AFG2A: variants seen among roughly 807,000 people sequenced by gnomAD.
AFG2A encodes the protein ATPase family gene 2 protein homolog A.
chr4:123,123,566 A>C, the AFG2A span, among the ~76,000 whole-genome samples: 2 of 152,188 alleles, frequency 1.3e-5, no homozygotes, highest in African/African-American at 4.8e-5. Flanking sequence ...ACTCTGCAAT[A>C]AAAGTATCAT....
chr4:122,999,124 C>T, the AFG2A span, among the ~76,000 whole-genome samples: 1,053 of 120,972 alleles, frequency 8.7e-3, 5 homozygotes, highest in Middle Eastern at 0.05. Context: ...TGAGAAGTGT[C>T]TGTTCATATC....
the AFG2A span, among the ~76,000 whole-genome samples, chr4:123,137,638 G>A: frequency 1.3e-5 from 2 of 152,042 alleles, no homozygotes; most frequent in Admixed American, 1.3e-4. Context: ...CTTGTTTGCT[G>A]TACAGTCTTA....
the AFG2A span, among the ~76,000 whole-genome samples, chr4:123,024,639 C>A: frequency 6.6e-6 from 1 of 152,210 alleles, no homozygotes; most frequent in Admixed American, 6.5e-5. Flanking sequence ...CAACTGCAGA[C>A]AAACTGGCTA....
At chr4:123,212,109 G>A in the AFG2A span, among the ~76,000 whole-genome samples, 1 of 152,068 alleles carries the variant, frequency 6.6e-6, no homozygotes, top group South Asian at 2.1e-4. Flanking sequence ...AGATCAGGAA[G>A]GACACCTTTT....
At chr4:123,286,859 T>TA in the AFG2A span, among the ~76,000 whole-genome samples, 159 of 144,936 alleles carry the variant, frequency 1.1e-3, no homozygotes, top group South Asian at 4.4e-3. Flanking sequence ...GAAAGGCCTT[T>TA]AAAAAAAAAA....
the AFG2A span, chr4:122,938,283 G>T: frequency 2.0e-6 from 3 of 1,486,078 alleles, no homozygotes; most frequent in East Asian, 7.3e-5. Context: ...TCTGTGTAGG[G>T]TTAATTCTTA....
At chr4:123,133,711 A>T in the AFG2A span, among the ~76,000 whole-genome samples, 1 of 152,054 alleles carries the variant, frequency 6.6e-6, no homozygotes, top group East Asian at 1.9e-4. Context: ...ATATCACTTT[A>T]TATTGTTTTC....
chr4:123,076,552 T>C, the AFG2A span, among the ~76,000 whole-genome samples: 2 of 151,840 alleles, frequency 1.3e-5, no homozygotes, highest in Non-Finnish European at 2.9e-5. Flanking sequence ...TTTATTTTTA[T>C]TTTTATTTGT....
the AFG2A span, among the ~76,000 whole-genome samples, chr4:123,281,959 GCA>G: frequency 6.6e-6 from 1 of 152,162 alleles, no homozygotes; most frequent in Admixed American, 6.5e-5. Flanking sequence ...AATAGGCAGA[GCA>G]CAGAGGATTT....
At chr4:123,191,498 C>T in the AFG2A span, among the ~76,000 whole-genome samples, 689 of 152,156 alleles carry the variant, frequency 4.5e-3, 1 homozygote, top group Non-Finnish European at 7.2e-3. Flanking sequence ...ATAGCCACAT[C>T]TAATAAAAGG....
chr4:123,294,861 ATATAAG>A, the AFG2A span, among the ~76,000 whole-genome samples: 1 of 152,242 alleles, frequency 6.6e-6, no homozygotes, highest in Non-Finnish European at 1.5e-5. Flanking sequence ...TGTCTATGGC[ATATAAG>A]TATATGATCT....
chr4:123,046,532 A>G, the AFG2A span, among the ~76,000 whole-genome samples: 1 of 152,314 alleles, frequency 6.6e-6, no homozygotes, highest in South Asian at 2.1e-4. Flanking sequence ...ATAGTTGTAC[A>G]TATTTTGCAG....
At chr4:123,183,796 G>T in the AFG2A span, among the ~76,000 whole-genome samples, 1 of 152,148 alleles carries the variant, frequency 6.6e-6, no homozygotes, top group Non-Finnish European at 1.5e-5. Flanking sequence ...GTCTGGCTCT[G>T]TCACACAGGC....
chr4:123,071,667 TAG>T, the AFG2A span, among the ~76,000 whole-genome samples: 5 of 152,216 alleles, frequency 3.3e-5, no homozygotes, highest in African/African-American at 4.8e-5. Flanking sequence ...TGCAGTTACA[TAG>T]AGCACATGCA....
chr4:123,284,875 T>G, the AFG2A span, among the ~76,000 whole-genome samples: 1 of 152,198 alleles, frequency 6.6e-6, no homozygotes, highest in Non-Finnish European at 1.5e-5. Flanking sequence ...AATGCCAAAA[T>G]AGTTTGAGAT....
At chr4:123,087,415 G>A in the AFG2A span, among the ~76,000 whole-genome samples, 1 of 152,162 alleles carries the variant, frequency 6.6e-6, no homozygotes, top group Non-Finnish European at 1.5e-5. Flanking sequence ...GGGTCAGTTG[G>A]TGTCTAATAA....
At chr4:122,991,501 A>G in the AFG2A span, among the ~76,000 whole-genome samples, 1 of 152,200 alleles carries the variant, frequency 6.6e-6, no homozygotes. Flanking sequence ...GTTTGTCCAC[A>G]CCCAGTTAAC....
chr4:123,130,813 C>T, the AFG2A span, among the ~76,000 whole-genome samples: 1 of 152,062 alleles, frequency 6.6e-6, no homozygotes, highest in Non-Finnish European at 1.5e-5. Flanking sequence ...TAACTGTATG[C>T]TTAATTTTAT....
At chr4:123,255,220 C>T in the AFG2A span, among the ~76,000 whole-genome samples, 6 of 152,206 alleles carry the variant, frequency 3.9e-5, no homozygotes, top group African/African-American at 1.4e-4. Context: ...CCTCCTTGCC[C>T]TTCCAAAGTG....
Sources: gnomAD v4.1 joint callset for allele counts (sites outside exome capture counted in the v4.1 genomes callset) on GRCh38, gnomAD v4.1.1 for gene constraint, MANE v1.5 for transcripts, NCBI Gene and HGNC (gene_info 2026-07-23, HGNC 2026-07-21) for gene names.